DENND1A: variants seen among roughly 807,000 people sequenced by gnomAD.
DENND1A encodes DENN domain-containing protein 1A.
A neutral mutation model predicts 113.7 loss-of-function variants in DENND1A; 51 were observed. The ratio of observed to expected loss-of-function variants is 0.45; its 90% CI spans 0.36 to 0.57. DENND1A has a LOEUF of 0.57. Among genes scored for constraint, DENND1A ranks in the 20% least tolerant of loss-of-function variants. The probability of loss-of-function intolerance (pLI) is 0.00; values close to 1 mark genes in which losing one functional copy is unlikely to be tolerated. For synonymous variants in DENND1A, 565 were observed against 570.8 expected, an observed-to-expected ratio of 0.99 and a Z score of 0.14; for missense variants, 1,258 against 1,395.9, an observed-to-expected ratio of 0.90 and a Z score of 1.57.
At chr9:123,423,246 C>G (rs578051170) in intron 19 of DENND1A, among the ~76,000 whole-genome samples, 1 of 152,084 alleles carries the variant, frequency 6.6e-6, no homozygotes, top group Admixed American at 6.5e-5. Context: ...TACAGGGCTC[C>G]GGTAAGAGTC....
chr9:123,911,355 T>G (rs934874030), intron 1 of DENND1A, among the ~76,000 whole-genome samples: 7 of 152,234 alleles, frequency 4.6e-5, no homozygotes, highest in Non-Finnish European at 7.3e-5. Flanking sequence ...TTTGGAAAAC[T>G]GTCAGAATCT....
intron 12 of DENND1A, among the ~76,000 whole-genome samples, chr9:123,581,109 G>A (rs944151267): frequency 6.7e-6 from 1 of 150,356 alleles, no homozygotes; most frequent in Non-Finnish European, 1.5e-5. Context: ...GCAGACCCAC[G>A]GGGTTGAGTT....
chr9:123,920,317 G>A (rs1286235840), intron 1 of DENND1A, among the ~76,000 whole-genome samples: 1 of 152,062 alleles, frequency 6.6e-6, no homozygotes, highest in Non-Finnish European at 1.5e-5. Context: ...TGTAATCCCA[G>A]CTACTCAGGA....
At chr9:123,395,501 A>T (rs905182224) in intron 21 of DENND1A, among the ~76,000 whole-genome samples, 30 of 90,014 alleles carry the variant, frequency 3.3e-4, no homozygotes, top group South Asian at 7.6e-4. Flanking sequence ...TGTGACAGAG[A>T]GAGAGAGAGA....
In DENND1A at chr9:123,664,168, T is replaced by G. The variant is rs558182730; in HGVS notation, c.507+2858A>C. Among the ~76,000 whole-genome samples the G allele has an allele frequency of 4.6e-5, 7 of 152,342 alleles. No homozygotes were observed. The South Asian group carries it at 1.4e-3, about 32-fold the overall frequency. On this transcript the variant is annotated intron_variant, in intron 8 of 23. Coordinates refer to ENST00000394215, the MANE Select transcript of DENND1A (RefSeq NM_001352964.2). ...ATACATACATACCTTTCCTATGATT[T>G]GGTACTGTTTAAGTAATAATTATCT...
chr9:123,407,331 C>A (rs919859106), intron 20 of DENND1A, among the ~76,000 whole-genome samples: 8 of 152,056 alleles, frequency 5.3e-5, no homozygotes, highest in African/African-American at 1.9e-4. Context: ...CACTCACAGA[C>A]CTGACCATCC....
intron 13 of DENND1A, among the ~76,000 whole-genome samples, chr9:123,516,292 A>G (rs2053905814): frequency 1.3e-5 from 2 of 152,052 alleles, no homozygotes; most frequent in Admixed American, 1.3e-4. Flanking sequence ...GGGGTGGGGA[A>G]TCCCAGTCCA....
intron 11 of DENND1A, among the ~76,000 whole-genome samples, chr9:123,598,704 T>C (rs571884988): frequency 8.5e-5 from 13 of 152,270 alleles, no homozygotes; most frequent in African/African-American, 2.6e-4. Context: ...TTCTTTTTTT[T>C]CCCCCTTCTT....
chr9:123,657,905 A>G (rs891958170), intron 8 of DENND1A, among the ~76,000 whole-genome samples: 1 of 151,892 alleles, frequency 6.6e-6, no homozygotes, highest in African/African-American at 2.4e-5. Flanking sequence ...TATTCTAGAA[A>G]GGAAAGCAGA....
At chr9:123,603,794 C>T (rs1564801035) in intron 11 of DENND1A, among the ~76,000 whole-genome samples, 1 of 152,170 alleles carries the variant, frequency 6.6e-6, no homozygotes, top group Admixed American at 6.5e-5. Flanking sequence ...AAAAGTGGTG[C>T]TAATACTTCG....
intron 5 of DENND1A, among the ~76,000 whole-genome samples, chr9:123,733,235 C>T (rs1043954455): frequency 1.3e-5 from 2 of 151,992 alleles, no homozygotes; most frequent in Non-Finnish European, 2.9e-5. Flanking sequence ...CCCGCCTCAG[C>T]CTCCCAAAGT....
chr9:123,739,696 A>G (rs2068838864), intron 5 of DENND1A, among the ~76,000 whole-genome samples: 2 of 152,172 alleles, frequency 1.3e-5, no homozygotes, highest in African/African-American at 4.8e-5. Context: ...AGAAAGATCT[A>G]AAATATTTGC....
At chr9:123,810,559 A>C (rs1445478491) in intron 2 of DENND1A, among the ~76,000 whole-genome samples, 1 of 151,170 alleles carries the variant, frequency 6.6e-6, no homozygotes, top group Non-Finnish European at 1.5e-5. Flanking sequence ...CAAAAAAAAA[A>C]AAAAAAAAAA....
rs145205101 is a variant in DENND1A, at chr9:123,823,187, C to T, written c.89-30557G>A. Among the ~76,000 whole-genome samples the T allele has an allele frequency of 4.5e-3, 679 of 151,780 alleles. 10 individuals are homozygous for T. The highest frequency in any genetic ancestry group is 0.034 in the Admixed American group (518 of 15,244). On this transcript the variant is annotated intron_variant, in intron 2 of 23. Transcript: ENST00000394215. ...AGGAAAACATTAAATGGGAGGTAAA[C>T]GCAAAAAAGAAAAAGCACAGCATGC...
chr9:123,429,801 C>T (rs545451154), intron 19 of DENND1A, among the ~76,000 whole-genome samples: 3 of 152,218 alleles, frequency 2.0e-5, no homozygotes, highest in South Asian at 2.1e-4. Flanking sequence ...AATTTCATGA[C>T]GAAAATGCCA....
intron 2 of DENND1A, among the ~76,000 whole-genome samples, chr9:123,796,481 C>G (rs898039452): frequency 6.6e-6 from 1 of 152,062 alleles, no homozygotes; most frequent in African/African-American, 2.4e-5. Context: ...TCTATGTTTT[C>G]CAGTCTTCTA....
chr9:123,561,416 T>C (rs2057748064), intron 12 of DENND1A, among the ~76,000 whole-genome samples: 1 of 152,206 alleles, frequency 6.6e-6, no homozygotes, highest in South Asian at 2.1e-4. Flanking sequence ...TCTGAAGACC[T>C]CTTGTCACCC....
chr9:123,882,786 T>C (rs947632959), intron 1 of DENND1A, among the ~76,000 whole-genome samples: 2 of 152,190 alleles, frequency 1.3e-5, no homozygotes, highest in African/African-American at 4.8e-5. Context: ...GAGCTGCACA[T>C]TGACAATTGT....
At chr9:123,662,624 A>G (rs1052197209) in intron 8 of DENND1A, among the ~76,000 whole-genome samples, 2 of 152,204 alleles carry the variant, frequency 1.3e-5, no homozygotes, top group African/African-American at 4.8e-5. Context: ...TCTAACAAGC[A>G]CTTTCTCAAG....
Sources: allele counts gnomAD v4.1 joint callset (sites outside exome capture counted in the v4.1 genomes callset), GRCh38; gene constraint gnomAD v4.1.1; transcripts MANE v1.5; gene names NCBI Gene and HGNC (gene_info 2026-07-23, HGNC 2026-07-21).